RARS2: variants seen among roughly 807,000 people sequenced by gnomAD.
The protein encoded by RARS2 is probable arginine--tRNA ligase, mitochondrial.
A neutral mutation model predicts 88.5 loss-of-function variants in RARS2; 67 were observed. The ratio of observed to expected loss-of-function variants is 0.76; its 90% CI spans 0.62 to 0.93. The LOEUF (loss-of-function observed/expected upper bound fraction) is 0.93. RARS2 is among the 40% of genes least tolerant of loss of function. The pLI, the probability that RARS2 is intolerant of heterozygous loss-of-function variation, is 0.00. For missense variants in RARS2, 664 were observed against 684.2 expected (o/e 0.97, Z 0.33); for synonymous variants, 239 against 230.3 (o/e 1.04, Z -0.34).
intron 4 of RARS2, among the ~76,000 whole-genome samples, chr6:87,558,742 C>T (rs1041572181): frequency 5.3e-5 from 8 of 152,124 alleles, no homozygotes; most frequent in Non-Finnish European, 4.4e-5. Flanking sequence ...ATAGCACATA[C>T]AATTATGTAC....
rs967906894 is a variant in RARS2 at position 87,564,066 on chromosome 6, C to A, written c.213+64G>T. 50 of 1,257,766 alleles carry A rather than the reference C, an allele frequency of 4.0e-5. 1 individual carries two copies. The Admixed American group carries it at 6.5e-4, about 16-fold the overall frequency. 77.9% of individuals were successfully genotyped at this position (1,257,766 alleles called of 1,614,324 possible). On this transcript the variant is annotated intron_variant, in intron 3 of 19. Coordinates refer to ENST00000369536, the MANE Select transcript of RARS2 (RefSeq NM_020320.5). Reference sequence around the variant, plus strand: ...TCACTATTATGGCTGAGATAGCCTGCAAAGTACTTTTTTTAATAACAAGTT... The same window carrying A: ...TCACTATTATGGCTGAGATAGCCTGAAAAGTACTTTTTTTAATAACAAGTT...
chr6:87,554,359 A>G (rs771573799), intron 5 of RARS2, among the ~76,000 whole-genome samples: 23 of 152,104 alleles, frequency 1.5e-4, no homozygotes, highest in Non-Finnish European at 2.6e-4. Flanking sequence ...TATGAAGACT[A>G]TTTAGAGGCA....
intron 8 of RARS2, among the ~76,000 whole-genome samples, chr6:87,536,640 A>G (rs1779275037): frequency 2.6e-5 from 4 of 151,512 alleles, no homozygotes; most frequent in African/African-American, 9.7e-5. Flanking sequence ...CCATCACGAA[A>G]AAAAAAAAAA....
intron 1 of RARS2, among the ~76,000 whole-genome samples, chr6:87,587,258 A>G (rs137867018): frequency 4.2e-4 from 64 of 152,286 alleles, no homozygotes; most frequent in Non-Finnish European, 7.6e-4. Flanking sequence ...CTCAATGAAC[A>G]TTGAGTCTCA....
intron 1 of RARS2, among the ~76,000 whole-genome samples, chr6:87,579,606 G>T (rs910157613): frequency 6.7e-6 from 1 of 149,992 alleles, no homozygotes; most frequent in Non-Finnish European, 1.5e-5. Context: ...CCAAAGTAGT[G>T]AATGTTTTTA....
In RARS2 at chr6:87,555,498, A is replaced by G; in HGVS notation, c.305T>C (p.Leu102Pro). Reference protein sequence around the residue: ...INRELLTKTVLQQVIEDGSKY... With the variant: ...INRELLTKTVPQQVIEDGSKY... ...TGAGCCATCTTCAATTACTTGTTGTAGCACTGTCTGAAAATTAAAGGACTG... is the reference window on the plus strand; with the variant it reads ...TGAGCCATCTTCAATTACTTGTTGTGGCACTGTCTGAAAATTAAAGGACTG... The change falls in exon 5 of 20, where the codon CTA (leucine) becomes CCA (proline). Residue 102 changes from leucine to proline, a missense_variant. Coordinates refer to ENST00000369536, the MANE Select transcript of RARS2 (RefSeq NM_020320.5). 1 of 1,611,076 alleles carries G rather than the reference A, an allele frequency of 6.2e-7. No individual in the cohort carries two copies. The highest frequency in any genetic ancestry group is 8.5e-7 in the Non-Finnish European group (1 of 1,177,336).
chr6:87,525,971 T>C lies in RARS2; in HGVS notation c.879-1319A>G, dbSNP rs529414339. 7.9e-5 allele frequency among the ~76,000 whole-genome samples: 12 copies of C among 152,176 alleles called. No individual in the cohort carries two copies. In the South Asian group the frequency reaches 1.0e-3, roughly 13 times the overall value. The stretch of plus-strand genomic sequence containing the variant: ...TAAATTTAACCAAGGAGGTAAAATA[T>C]CTGTACACTGAAAACTATATAACAC... On this transcript the variant is annotated intron_variant, in intron 10 of 19. Transcript: ENST00000369536.
chr6:87,559,467 A>C (rs1316628743), intron 4 of RARS2, among the ~76,000 whole-genome samples: 2 of 56,604 alleles, frequency 3.5e-5, no homozygotes, highest in East Asian at 4.2e-4. Context: ...CTGTCTCAAA[A>C]AAAAAAAAAA....
intron 10 of RARS2, among the ~76,000 whole-genome samples, chr6:87,526,245 G>A (rs940399075): frequency 3.9e-5 from 6 of 152,174 alleles, no homozygotes; most frequent in African/African-American, 1.4e-4. Flanking sequence ...GCCAGCTGTG[G>A]TGGCTCACGT....
intron 2 of RARS2, among the ~76,000 whole-genome samples, chr6:87,567,371 T>C (rs1394259302): frequency 2.0e-5 from 3 of 152,232 alleles, no homozygotes; most frequent in Non-Finnish European, 4.4e-5. Context: ...TAAAAAGCAA[T>C]AGTTATTTTC....
At chr6:87,551,436 A>G (rs528787744) in intron 5 of RARS2, among the ~76,000 whole-genome samples, 1 of 151,586 alleles carries the variant, frequency 6.6e-6, no homozygotes, top group South Asian at 2.1e-4. Flanking sequence ...GACCAGCCTG[A>G]CCAACATGGT....
chr6:87,529,365 AGCTTTT>A (rs1411239427), intron 10 of RARS2, among the ~76,000 whole-genome samples, 171 bp downstream of exon 10: 1 of 152,252 alleles, frequency 6.6e-6, no homozygotes, highest in East Asian at 1.9e-4. Flanking sequence ...AAGCCTGAAC[AGCTTTT>A]GCTATGGAAG....
intron 8 of RARS2, among the ~76,000 whole-genome samples, chr6:87,536,220 A>G (rs1245742745): frequency 6.6e-6 from 1 of 152,230 alleles, no homozygotes; most frequent in Non-Finnish European, 1.5e-5. Context: ...TATTCAAATA[A>G]TTTAAATCTA....
chr6:87,555,100 A>AAAT (rs1785432912), intron 5 of RARS2, among the ~76,000 whole-genome samples: 1 of 139,556 alleles, frequency 7.2e-6, no homozygotes, highest in Admixed American at 7.3e-5. Flanking sequence ...CTCCGTCTCA[A>AAAT]AAATAAATAA....
chr6:87,559,463 C>CAAAAAAAAA (rs753856335), intron 4 of RARS2, among the ~76,000 whole-genome samples: 1 of 93,296 alleles, frequency 1.1e-5, no homozygotes, highest in Non-Finnish European at 2.3e-5. Context: ...AACTCTGTCT[C>CAAAAAAAAA]AAAAAAAAAA....
chr6:87,559,984 G>A (rs1348805325), intron 4 of RARS2, among the ~76,000 whole-genome samples: 1 of 152,222 alleles, frequency 6.6e-6, no homozygotes, highest in Non-Finnish European at 1.5e-5. Context: ...TTTACATGAT[G>A]CACAAGTTTA....
intron 4 of RARS2, among the ~76,000 whole-genome samples, chr6:87,560,647 C>T (rs1787548392): frequency 6.6e-6 from 1 of 152,124 alleles, no homozygotes; most frequent in Non-Finnish European, 1.5e-5. Flanking sequence ...GCCTGTAATG[C>T]CAGCACTTTG....
chr6:87,529,455 G>A, intron 10 of RARS2, 87 bp downstream of exon 10: 1 of 873,726 alleles, frequency 1.1e-6, no homozygotes. Context: ...GCTGCACATT[G>A]CATTCTGTTG....
At chr6:87,575,231 A>G (rs1296863500) in intron 1 of RARS2, among the ~76,000 whole-genome samples, 3 of 84,520 alleles carry the variant, frequency 3.5e-5, no homozygotes, top group Non-Finnish European at 7.1e-5. Context: ...GAAAGCACAC[A>G]CACACACACA....
Sources: gnomAD v4.1 joint callset for allele counts (sites outside exome capture counted in the v4.1 genomes callset) on GRCh38, gnomAD v4.1.1 for gene constraint, MANE v1.5 for transcripts, NCBI Gene and HGNC (gene_info 2026-07-23, HGNC 2026-07-21) for gene names.